Variants in ADAM12 observed in about 807,000 individuals in gnomAD.
ADAM12 encodes the protein disintegrin and metalloproteinase domain-containing protein 12.
ADAM12 carries 70 observed loss-of-function variants against 106.4 expected under a neutral mutation model. That is an observed-to-expected ratio of 0.66 (90% CI 0.54 to 0.80). ADAM12 has a LOEUF of 0.80. ADAM12 is among the 30% of genes least tolerant of loss of function. The probability of loss-of-function intolerance (pLI) is 0.00; values close to 1 mark genes in which losing one functional copy is unlikely to be tolerated. For missense variants in ADAM12, 1,010 were observed against 1,171.9 expected, an observed-to-expected ratio of 0.86 and a Z score of 2.02; for synonymous variants, 420 against 433.5, an observed-to-expected ratio of 0.97 and a Z score of 0.39.
At chr10:126,299,751 C>A (rs180757062) in intron 2 of ADAM12, among the ~76,000 whole-genome samples, 5 of 152,212 alleles carry the variant, frequency 3.3e-5, no homozygotes, top group African/African-American at 9.6e-5. Flanking sequence ...TCAAACAATT[C>A]TCCTGCCTCA....
At chr10:126,115,433 CCA>C (rs1413386439) in intron 6 of ADAM12, among the ~76,000 whole-genome samples, 2 of 152,154 alleles carry the variant, frequency 1.3e-5, no homozygotes, top group African/African-American at 4.8e-5. Flanking sequence ...ACTCAAAAAT[CCA>C]CAGAGAGAAC....
At chr10:126,125,540 G>A (rs1956191833) in intron 5 of ADAM12, among the ~76,000 whole-genome samples, 2 of 152,148 alleles carry the variant, frequency 1.3e-5, no homozygotes, top group East Asian at 1.9e-4. Context: ...ACTGTGCTCA[G>A]CCAGGAATAT....
chr10:126,061,854 C>G (rs1431003397), intron 14 of ADAM12, among the ~76,000 whole-genome samples: 1 of 152,184 alleles, frequency 6.6e-6, no homozygotes, highest in Non-Finnish European at 1.5e-5. Context: ...TAAAATGAAG[C>G]ATTTATAAGC....
chr10:126,019,804 G>C lies in ADAM12; in HGVS notation c.2551C>G (p.Pro851Ala). The change falls in exon 22 of 23, where the codon CCT (proline) becomes GCT (alanine). Residue 851 changes from proline (P) to alanine (A), a missense_variant. Around this residue, in one of 3 missense-constraint regions of ADAM12, gnomAD observed 615 missense variants for 708.5 expected, o/e 0.87. Transcript: ENST00000448723. ...GGATCTGCAGGCAGAGGCTTCTGAG[G>C]GGGGTTTGGCTTACAGGTCCCCTGC... ...QAQGTCKPNPPQKPLPADPLA... is the reference protein window; with the variant it reads ...QAQGTCKPNPAQKPLPADPLA... 6.2e-7 allele frequency: 1 copy of C among 1,614,010 alleles called. No homozygotes were observed. Among genetic ancestry groups the C allele is most frequent in the Non-Finnish European group, 8.5e-7 (1 of 1,179,962 alleles).
intron 3 of ADAM12, among the ~76,000 whole-genome samples, chr10:126,208,223 C>G (rs1209286268): frequency 6.6e-6 from 1 of 152,034 alleles, no homozygotes; most frequent in Non-Finnish European, 1.5e-5. Flanking sequence ...GATTTTGTGC[C>G]CCACCCCAGG....
chr10:126,254,217 T>C (rs1339332660), intron 3 of ADAM12, among the ~76,000 whole-genome samples: 2 of 152,212 alleles, frequency 1.3e-5, no homozygotes, highest in African/African-American at 4.8e-5. Flanking sequence ...TGCAGCCAGC[T>C]CTGGCACCTA....
intron 2 of ADAM12, among the ~76,000 whole-genome samples, chr10:126,289,897 G>C (rs1230696267): frequency 6.6e-6 from 1 of 152,124 alleles, no homozygotes; most frequent in Admixed American, 6.5e-5. Flanking sequence ...TCATAGAAAT[G>C]ACAGTCCCCA....
chr10:126,261,346 T>C (rs1443931425), intron 3 of ADAM12, among the ~76,000 whole-genome samples: 1 of 152,134 alleles, frequency 6.6e-6, no homozygotes. Context: ...TTTGAAAAAT[T>C]GAGAAAACAC....
chr10:126,370,411 G>A (rs1411806223), intron 1 of ADAM12, among the ~76,000 whole-genome samples: 2 of 152,150 alleles, frequency 1.3e-5, no homozygotes, highest in African/African-American at 2.4e-5. Context: ...ATTTGTGAGA[G>A]GAAACAGAAG....
chr10:126,322,273 A>T (rs1314459854), intron 2 of ADAM12, among the ~76,000 whole-genome samples: 1 of 152,188 alleles, frequency 6.6e-6, no homozygotes, highest in Non-Finnish European at 1.5e-5. Context: ...GCTGCTGAAC[A>T]TATTTACTGT....
chr10:126,338,245 C>CTTTTT (rs1854780488), intron 1 of ADAM12, among the ~76,000 whole-genome samples: 12 of 106,346 alleles, frequency 1.1e-4, no homozygotes, highest in South Asian at 8.4e-4. Context: ...CAGTAACTTA[C>CTTTTT]ATTTTTTTTT....
rs146692856 is a variant in ADAM12, at chr10:126,064,928, C to G, written c.1487G>C (p.Ser496Thr). ...GTACACGTTGGCTGGGCAGTGAGGGCTGGCCCCTGTGCAGAACTCTGGGAG... is the reference window on the plus strand; with the variant it reads ...GTACACGTTGGCTGGGCAGTGAGGGGTGGCCCCTGTGCAGAACTCTGGGAG... ...CDLPEFCTGASPHCPANVYLH... is the reference protein window; with the variant it reads ...CDLPEFCTGATPHCPANVYLH... The change falls in exon 14 of 23, where the codon AGC becomes ACC. Residue 496 changes from serine (S) to threonine (T), a missense_variant. Around this residue, in one of 3 missense-constraint regions of ADAM12, gnomAD observed 615 missense variants for 708.5 expected, o/e 0.87. Transcript: ENST00000448723. The surrounding 1 kb of genome is among the most constrained non-coding windows in gnomAD (Gnocchi z 4.4). 6.1e-4 allele frequency: 980 copies of G among 1,613,144 alleles called. 5 individuals are homozygous for G. The African/African-American group carries it at 0.012, about 20-fold the overall frequency.
Position 126,038,952 on chromosome 10 carries a change from CTTTTT to C in ADAM12, c.2240+337_2240+341del, listed in dbSNP as rs34277276. ...CTGTACATTTTCTGAGACACCATTT[CTTTTT>C]TTTTTTTTTTTTTTTTTTTTGAGAT... On this transcript the variant is annotated intron_variant, in intron 19 of 22. Transcript: ENST00000448723. 5.5e-3 allele frequency among the ~76,000 whole-genome samples: 393 copies of C among 71,538 alleles called. 1 individual carries two copies. The highest frequency in any genetic ancestry group is 0.018 in the African/African-American group (335 of 18,690). The allele number at this position is 71,538 out of a possible 152,430, so 46.9% of individuals were successfully genotyped here.
At chr10:126,225,923 G>A (rs1958185524) in intron 3 of ADAM12, among the ~76,000 whole-genome samples, 2 of 152,100 alleles carry the variant, frequency 1.3e-5, no homozygotes, top group South Asian at 2.1e-4. Flanking sequence ...GAACAAAGTC[G>A]AAGCCTTTCG....
At chr10:126,060,497 C>T (rs1307833017) in intron 14 of ADAM12, among the ~76,000 whole-genome samples, 1 of 152,194 alleles carries the variant, frequency 6.6e-6, no homozygotes, top group African/African-American at 2.4e-5. Context: ...TGAGTTCCTA[C>T]ATTTCCCAGG....
At chr10:126,074,308 A>G (rs1204798212) in intron 11 of ADAM12, among the ~76,000 whole-genome samples, 1 of 152,196 alleles carries the variant, frequency 6.6e-6, no homozygotes, top group African/African-American at 2.4e-5. Flanking sequence ...TTCCCAAAGG[A>G]GCAGAGAACG....
rs116398482 is a variant in ADAM12, at chr10:126,294,093, G to A, written c.187-15105C>T. 5.1e-3 allele frequency among the ~76,000 whole-genome samples: 777 copies of A among 152,296 alleles called. 6 individuals are homozygous for A. Among genetic ancestry groups the A allele is most frequent in the African/African-American group, 0.016 (660 of 41,564 alleles). ...AAATCAATGTGTTTTTGGATCAACT[G>A]TATTAATGCCTCATAAAATGCGCTC... On this transcript the variant is annotated intron_variant, in intron 2 of 22. Transcript: ENST00000448723.
At chr10:126,229,466 TAA>T (rs1958265857) in intron 3 of ADAM12, among the ~76,000 whole-genome samples, 2 of 152,072 alleles carry the variant, frequency 1.3e-5, no homozygotes, top group African/African-American at 4.8e-5. Context: ...GTTTGTAGAA[TAA>T]AAAAGTTATA....
Position 126,108,630 on chromosome 10 carries a change from T to A in ADAM12, c.704A>T (p.Lys235Met), listed in dbSNP as rs756767433. 6.2e-7 allele frequency: 1 copy of A among 1,614,214 alleles called. No homozygotes were observed. Among genetic ancestry groups the A allele is most frequent in the Non-Finnish European group, 8.5e-7 (1 of 1,180,000 alleles). The change falls in exon 8 of 23, where the codon AAG becomes ATG. Residue 235 changes from lysine (K) to methionine (M), a missense_variant. By Grantham distance (95) the Lys-to-Met change is moderately conservative. Coordinates refer to ENST00000448723, the MANE Select transcript of ADAM12 (RefSeq NM_001288973.2). ...ATTAGCAATCTCTATTAATCGCTGC[T>A]TAACTTTTTCCAGATCTTTTCCTTG... ...QRQGKDLEKV[K>M]QRLIEIANHV...
Sources: gnomAD v4.1 joint callset for allele counts (sites outside exome capture counted in the v4.1 genomes callset) on GRCh38, gnomAD v4.1.1 for gene constraint, gnomAD v4.1.1 regional missense constraint, Gnocchi (gnomAD v3.1) non-coding constraint, MANE v1.5 for transcripts, NCBI Gene and HGNC (gene_info 2026-07-23, HGNC 2026-07-21) for gene names.